UBE2O: variants seen among roughly 807,000 people sequenced by gnomAD.
The protein encoded by UBE2O is (E3-independent) E2 ubiquitin-conjugating enzyme.
In UBE2O, 15 loss-of-function variants were observed where a neutral mutation model predicts 125.8. The ratio of observed to expected loss-of-function variants is 0.12; its 90% CI spans 0.08 to 0.18. The LOEUF (loss-of-function observed/expected upper bound fraction) is 0.18, where lower values mean the gene tolerates loss of function less well. Ranked by LOEUF, UBE2O falls within the 10% of genes least tolerant of loss-of-function variation. The probability of loss-of-function intolerance (pLI) is 1.00; values close to 1 mark genes in which losing one functional copy is unlikely to be tolerated. For synonymous variants in UBE2O, 708 were observed against 703.2 expected (o/e 1.01, Z -0.11); for missense variants, 1,280 against 1,723.6 (o/e 0.74, Z 4.56).
chr17:76,427,916 C>T (rs2072838763), intron 1 of UBE2O, among the ~76,000 whole-genome samples: 1 of 152,174 alleles, frequency 6.6e-6, no homozygotes, highest in South Asian at 2.1e-4. Context: ...CAAATCCAAA[C>T]CTCTATTATT....
At chr17:76,416,752 G>A (rs1443542208) in intron 1 of UBE2O, among the ~76,000 whole-genome samples, 5 of 152,174 alleles carry the variant, frequency 3.3e-5, no homozygotes, top group Non-Finnish European at 7.3e-5. Flanking sequence ...GGGTCATTAG[G>A]TCCTAAGACC....
Position 76,398,748 on chromosome 17 carries a change from C to T in UBE2O, c.1783+89G>A, listed in dbSNP as rs1352227637. 3.9e-6 allele frequency: 6 copies of T among 1,545,032 alleles called. No homozygotes were observed. The highest frequency in any genetic ancestry group is 4.4e-6 in the Non-Finnish European group (5 of 1,136,936). On this transcript the variant is annotated intron_variant, in intron 10 of 17. Transcript: ENST00000319380. This position sits in a 1 kb window ranked among gnomAD's most constrained non-coding sequence, Gnocchi z 5.4. Reference sequence around the variant, plus strand: ...TTCTGGACCTCATTTTAGCTCTGACCCCAGATCCACTGCCCATTCTCCACA... The same window carrying T: ...TTCTGGACCTCATTTTAGCTCTGACTCCAGATCCACTGCCCATTCTCCACA...
intron 1 of UBE2O, among the ~76,000 whole-genome samples, chr17:76,436,349 G>A (rs1235532248): frequency 6.6e-6 from 1 of 152,108 alleles, no homozygotes; most frequent in Non-Finnish European, 1.5e-5. Flanking sequence ...AATTATGGGT[G>A]ACTTTTTTTT....
chr17:76,399,119 G>A lies in UBE2O; in HGVS notation c.1629-128C>T, dbSNP rs2072269790. ...TGAAACTCTGAATCCCAGGTTGGCA[G>A]GATGAGTCTCTGGTGCACAGGAAGC... On this transcript the variant is annotated intron_variant, in intron 9 of 17. Coordinates refer to ENST00000319380, the MANE Select transcript of UBE2O (RefSeq NM_022066.4). The surrounding 1 kb of genome is among the most constrained non-coding windows in gnomAD (Gnocchi z 6.9). 7.9e-7 allele frequency: 1 copy of A among 1,262,344 alleles called. No individual in the cohort carries two copies. Among genetic ancestry groups the A allele is most frequent in the Non-Finnish European group, 1.1e-6 (1 of 927,588 alleles). 78.2% of individuals were successfully genotyped at this position (1,262,344 alleles called of 1,614,324 possible). A position where few individuals can be genotyped will look rare whatever the true frequency, so the allele number is the denominator to read the frequency against.
chr17:76,390,710 T>C lies in UBE2O; in HGVS notation c.*233A>G. 2.3e-6 allele frequency: 1 copy of C among 433,268 alleles called. No individual in the cohort carries two copies. Among genetic ancestry groups the C allele is most frequent in the Non-Finnish European group, 4.1e-6 (1 of 244,022 alleles). 26.8% of individuals were successfully genotyped at this position (433,268 alleles called of 1,614,324 possible). On this transcript the variant is annotated 3_prime_UTR_variant, in exon 18 of 18. Coordinates refer to ENST00000319380, the MANE Select transcript of UBE2O (RefSeq NM_022066.4). ...ACAAATGGAAAATCGGCAACAGGGT[T>C]CCGATTTTCTTTGCCACAGGGGACC...
Position 76,390,385 on chromosome 17 carries a change from G to A in UBE2O, c.*558C>T, listed in dbSNP as rs1435249176. On this transcript the variant is annotated 3_prime_UTR_variant, in exon 18 of 18. Transcript: ENST00000319380. Reference sequence around the variant, plus strand: ...TGGTCGACAGGCCATGTATAGCCGGGAGTCAGTGACAGCAGCTACAACTCC... The same window carrying A: ...TGGTCGACAGGCCATGTATAGCCGGAAGTCAGTGACAGCAGCTACAACTCC... 1 of 153,572 alleles carries A rather than the reference G, an allele frequency of 6.5e-6. No individual in the cohort carries two copies. Among genetic ancestry groups the A allele is most frequent in the African/African-American group, 2.4e-5 (1 of 41,474 alleles). The allele number at this position is 153,572 out of a possible 1,614,324, so 9.5% of individuals were successfully genotyped here. A position where few individuals can be genotyped will look rare whatever the true frequency, so the allele number is the denominator to read the frequency against.
chr17:76,406,005 G>T (rs1215970025), intron 1 of UBE2O, among the ~76,000 whole-genome samples: 1 of 152,226 alleles, frequency 6.6e-6, no homozygotes, highest in Non-Finnish European at 1.5e-5. Flanking sequence ...AGGGAGAGTG[G>T]GCTGGGGGAG....
intron 1 of UBE2O, among the ~76,000 whole-genome samples, chr17:76,412,699 T>C (rs1402861695): frequency 1.3e-5 from 2 of 152,238 alleles, no homozygotes; most frequent in Non-Finnish European, 2.9e-5. Context: ...TTAGTGCATA[T>C]ATATTTTTCA....
Position 76,399,033 on chromosome 17 carries a change from C to A in UBE2O, c.1629-42G>T. The stretch of plus-strand genomic sequence containing the variant: ...GTCAGCAGGCCATGCAAACCCCACC[C>A]CCTCCGCGGAAAGGGCAGAGAGTCT... On this transcript the variant is annotated intron_variant, in intron 9 of 17. Coordinates refer to ENST00000319380, the MANE Select transcript of UBE2O (RefSeq NM_022066.4). This position sits in a 1 kb window ranked among gnomAD's most constrained non-coding sequence, Gnocchi z 6.9. The A allele has an allele frequency of 6.2e-7, 1 of 1,603,534 alleles. No homozygotes were observed. The highest frequency in any genetic ancestry group is 8.5e-7 in the Non-Finnish European group (1 of 1,175,588).
intron 1 of UBE2O, among the ~76,000 whole-genome samples, chr17:76,429,797 C>G (rs2072873912): frequency 6.6e-6 from 1 of 152,158 alleles, no homozygotes; most frequent in African/African-American, 2.4e-5. Context: ...AGGGGCATGG[C>G]TGGGATTTGC....
chr17:76,414,658 G>C (rs1045947304), intron 1 of UBE2O, among the ~76,000 whole-genome samples: 1 of 152,256 alleles, frequency 6.6e-6, no homozygotes, highest in African/African-American at 2.4e-5. Flanking sequence ...GAATGGCCTG[G>C]AGGCACAGCC....
chr17:76,405,706 A>G lies in UBE2O; in HGVS notation c.418-134T>C, dbSNP rs2072404283. ...AAATCCTAAGCGTTTGGCTAGCAGT[A>G]TCTTCACAGACCGCACACACCTCCG... On this transcript the variant is annotated intron_variant, in intron 1 of 17. Transcript: ENST00000319380. This position sits in a 1 kb window ranked among gnomAD's most constrained non-coding sequence, Gnocchi z 6.1. 1.3e-6 allele frequency: 1 copy of G among 782,632 alleles called. No individual in the cohort carries two copies. The highest frequency in any genetic ancestry group is 1.7e-5 in the South Asian group (1 of 60,178). 48.5% of individuals were successfully genotyped at this position (782,632 alleles called of 1,614,324 possible). A position where few individuals can be genotyped will look rare whatever the true frequency, so the allele number is the denominator to read the frequency against.
At chr17:76,447,622 T>A (rs1174370913) in intron 1 of UBE2O, among the ~76,000 whole-genome samples, 2 of 152,182 alleles carry the variant, frequency 1.3e-5, no homozygotes, top group Non-Finnish European at 2.9e-5. Flanking sequence ...ACTTTAAATG[T>A]GCATTACTGA....
chr17:76,399,636 C>A lies in UBE2O; in HGVS notation c.1441G>T (p.Asp481Tyr). ...TCCGTGTCATCAGCAGCCTCATCAT[C>A]TGCGTCCTGCTCTGCCGAGTGCAGC... ...DRLHSAEQDADDEAADDTDDT... is the reference protein window; with the variant it reads ...DRLHSAEQDAYDEAADDTDDT... The change falls in exon 9 of 18, where the codon GAT becomes TAT. Residue 481 changes from aspartate (D) to tyrosine (Y), a missense_variant. Asp to Tyr is a radical substitution (Grantham distance 160). This residue lies in a region of UBE2O where 145 missense variants were observed against 219.6 expected (regional missense o/e 0.66). Coordinates refer to ENST00000319380, the MANE Select transcript of UBE2O (RefSeq NM_022066.4). The surrounding 1 kb of genome is among the most constrained non-coding windows in gnomAD (Gnocchi z 6.9). The A allele has an allele frequency of 1.9e-6, 3 of 1,614,220 alleles. No homozygotes were observed. The highest frequency in any genetic ancestry group is 2.5e-6 in the Non-Finnish European group (3 of 1,180,048).
chr17:76,449,400 T>A (rs931080756), intron 1 of UBE2O, among the ~76,000 whole-genome samples: 1 of 151,994 alleles, frequency 6.6e-6, no homozygotes, highest in South Asian at 2.1e-4. Context: ...AATGGCAAAC[T>A]GCCGTCTCTA....
At chr17:76,411,893 G>A (rs2072523267) in intron 1 of UBE2O, among the ~76,000 whole-genome samples, 1 of 152,000 alleles carries the variant, frequency 6.6e-6, no homozygotes, top group Non-Finnish European at 1.5e-5. Flanking sequence ...ATGTTGCCCA[G>A]GCTGTTCTTG....
chr17:76,405,687 T>G lies in UBE2O; in HGVS notation c.418-115A>C. 1 of 916,262 alleles carries G rather than the reference T, an allele frequency of 1.1e-6. No homozygotes were observed. The highest frequency in any genetic ancestry group is 1.7e-6 in the Non-Finnish European group (1 of 595,008). 56.8% of individuals were successfully genotyped at this position (916,262 alleles called of 1,614,324 possible). A position where few individuals can be genotyped will look rare whatever the true frequency, so the allele number is the denominator to read the frequency against. On this transcript the variant is annotated intron_variant, in intron 1 of 17. Transcript: ENST00000319380. This position sits in a 1 kb window ranked among gnomAD's most constrained non-coding sequence, Gnocchi z 6.1. ...TCCACACTGCTAAGTGCACAAATCCTAAGCGTTTGGCTAGCAGTATCTTCA... is the reference window on the plus strand; with the variant it reads ...TCCACACTGCTAAGTGCACAAATCCGAAGCGTTTGGCTAGCAGTATCTTCA...
chr17:76,394,143 C>T (rs1177956554), intron 15 of UBE2O, among the ~76,000 whole-genome samples: 1 of 152,212 alleles, frequency 6.6e-6, no homozygotes, highest in Non-Finnish European at 1.5e-5. Flanking sequence ...GTGGCTACTC[C>T]GGGCCCATCT....
At position 76,391,315 on chromosome 17, in the gene UBE2O, T is replaced by C; in HGVS notation, c.3507A>G (p.Pro1169=). The C allele has an allele frequency of 6.2e-7, 1 of 1,612,966 alleles. No homozygotes were observed. The highest frequency in any genetic ancestry group is 8.5e-7 in the Non-Finnish European group (1 of 1,179,998). Residue 1169 remains proline, a synonymous_variant, in exon 18 of 18, where the codon CCA becomes CCG. Transcript: ENST00000319380. The surrounding 1 kb of genome is among the most constrained non-coding windows in gnomAD (Gnocchi z 8.4). ...ACAGCTCGGCTACAGCTGGGGGCTC[T>C]GGCGAGCTGCTGGCCTTGGGCACCC... The part of the protein sequence containing the change: ...PNGVPKASSS[P]EPPAVAELSD...
Sources: allele counts gnomAD v4.1 joint callset (sites outside exome capture counted in the v4.1 genomes callset), GRCh38; gene constraint gnomAD v4.1.1; regional missense constraint gnomAD v4.1.1; non-coding constraint Gnocchi (gnomAD v3.1); transcripts MANE v1.5; gene names NCBI Gene and HGNC (gene_info 2026-07-23, HGNC 2026-07-21).